LNX1: variants seen among roughly 807,000 people sequenced by gnomAD.
LNX1 encodes the protein ligand of numb-protein X 1.
A neutral mutation model predicts 68.4 loss-of-function variants in LNX1; 54 were observed. That is an observed-to-expected ratio of 0.79 (90% confidence interval 0.63 to 0.99). The LOEUF (loss-of-function observed/expected upper bound fraction) is 0.99. Ranked by LOEUF, LNX1 falls within the 50% of genes least tolerant of loss-of-function variation. The pLI, the probability that LNX1 is intolerant of heterozygous loss-of-function variation, is 0.00. For missense variants in LNX1, 906 were observed against 926.4 expected, an observed-to-expected ratio of 0.98 and a Z score of 0.29; for synonymous variants, 336 against 350.0, an observed-to-expected ratio of 0.96 and a Z score of 0.45.
chr4:53,521,238 T>C (rs767608543), intron 2 of LNX1, among the ~76,000 whole-genome samples: 2 of 152,188 alleles, frequency 1.3e-5, no homozygotes, highest in Non-Finnish European at 2.9e-5. Context: ...TTTTGAGTCC[T>C]CGTGTTTTTG....
chr4:53,459,461 G>A lies in LNX1; in HGVS notation c.*1446C>T. The stretch of plus-strand genomic sequence containing the variant: ...CACCTGCAGAATAGGCATGGTTTTG[G>A]CCTTTTGTGTATATTAGTACCAGAA... On this transcript the variant is annotated 3_prime_UTR_variant, in exon 11 of 11. Coordinates refer to ENST00000263925, the MANE Select transcript of LNX1 (RefSeq NM_001126328.3). The A allele has an allele frequency of 6.2e-7, 1 of 1,613,080 alleles. No homozygotes were observed. The highest frequency in any genetic ancestry group is 1.1e-5 in the South Asian group (1 of 91,056).
chr4:53,588,319 A>G (rs1732299672), intron 1 of LNX1, among the ~76,000 whole-genome samples: 1 of 152,192 alleles, frequency 6.6e-6, no homozygotes, highest in South Asian at 2.1e-4. Context: ...CAATATTTAC[A>G]AGTAACACTG....
intron 2 of LNX1, among the ~76,000 whole-genome samples, chr4:53,532,790 G>A (rs1231780611): frequency 6.6e-6 from 1 of 152,212 alleles, no homozygotes; most frequent in African/African-American, 2.4e-5. Context: ...GCAGCAGGGC[G>A]ATGGGTTTCT....
intron 2 of LNX1, among the ~76,000 whole-genome samples, chr4:53,518,925 AGGCT>A (rs1291410007): frequency 6.6e-6 from 1 of 152,266 alleles, no homozygotes; most frequent in Non-Finnish European, 1.5e-5. Flanking sequence ...CAAATGGCAC[AGGCT>A]GGCAAGTGAG....
intron 5 of LNX1, 55 bp downstream of exon 5, chr4:53,498,586 G>A: frequency 7.4e-7 from 1 of 1,351,848 alleles, no homozygotes; most frequent in Non-Finnish European, 1.1e-6. Context: ...TGTTTGCTCA[G>A]AAGCATTTTT....
intron 6 of LNX1, among the ~76,000 whole-genome samples, chr4:53,495,094 T>C (rs1203696923): frequency 2.0e-5 from 3 of 152,186 alleles, no homozygotes; most frequent in African/African-American, 4.8e-5. Flanking sequence ...TTAATGTCAA[T>C]AGCATGCTTG....
chr4:53,514,507 T>C (rs35884858), intron 2 of LNX1, among the ~76,000 whole-genome samples: 146,147 of 152,144 alleles, frequency 0.96, 70,480 homozygotes, highest in East Asian at 1. Context: ...TGGGGAACTC[T>C]CCTTTATAAA....
At chr4:53,594,098 AATTAATTAGTAATCTG>A (rs1165123806), upstream of LNX1, 6 of 151,708 alleles carry the variant, frequency 4.0e-5, no homozygotes, top group Non-Finnish European at 7.4e-5. Context: ...TCCATTTGGA[AATTAATTAGTAATCTG>A]GTCTATATGC....
At position 53,496,182 on chromosome 4, in the gene LNX1, C is replaced by T; in HGVS notation, c.1191G>A (p.Leu397=). 1 of 1,614,152 alleles carries T rather than the reference C, an allele frequency of 6.2e-7. No individual in the cohort carries two copies. The highest frequency in any genetic ancestry group is 2.2e-5 in the East Asian group (1 of 44,878). The part of the protein sequence containing the change: ...SSPEEQLGIK[L]VRKVDEPGVF... ...CCCCAGGCTCATCCACCTTGCGCAC[C>T]AGTTTTATTCCAAGCTGCTCCTCGG... Residue 397 remains leucine, a synonymous_variant, in exon 6 of 11, where the codon CTG becomes CTA. Transcript: ENST00000263925.
chr4:53,564,703 G>A (rs1020401421), intron 2 of LNX1, among the ~76,000 whole-genome samples: 1 of 152,004 alleles, frequency 6.6e-6, no homozygotes, highest in African/African-American at 2.4e-5. Context: ...CACAGAAGAC[G>A]GGTGATTTCT....
chr4:53,546,662 G>A (rs1729140499), intron 2 of LNX1, among the ~76,000 whole-genome samples: 2 of 151,990 alleles, frequency 1.3e-5, no homozygotes, highest in South Asian at 2.1e-4. Flanking sequence ...GCTCTCCTTC[G>A]GCTCTCAAAA....
At chr4:53,627,172 G>A (rs762753152) in intron 1 of LNX1, among the ~76,000 whole-genome samples, 1 of 152,208 alleles carries the variant, frequency 6.6e-6, no homozygotes, top group Non-Finnish European at 1.5e-5. Context: ...TGGTTTCAGG[G>A]AGAAGGAAAG....
rs114157402 is a variant in LNX1 at position 53,540,117 on chromosome 4, C to T, written c.381-31890G>A. Among the ~76,000 whole-genome samples the T allele has an allele frequency of 3.7e-3, 559 of 152,286 alleles. 2 individuals are homozygous for T. The highest frequency in any genetic ancestry group is 0.013 in the African/African-American group (535 of 41,548). ...AACTCCAAATGACAACATGGTGGCT[C>T]ACATCTGTAATCCCAGCACTTTGAG... is the stretch of plus-strand genomic sequence containing the variant. On this transcript the variant is annotated intron_variant, in intron 2 of 10. Transcript: ENST00000263925.
chr4:53,572,770 T>C (rs1577736553), intron 2 of LNX1, among the ~76,000 whole-genome samples: 1 of 152,290 alleles, frequency 6.6e-6, no homozygotes, highest in Non-Finnish European at 1.5e-5. Context: ...CACACCAGAA[T>C]TCTGCCACCA....
At chr4:53,606,625 A>T (rs547699772) in intron 2 of LNX1, among the ~76,000 whole-genome samples, 1 of 152,190 alleles carries the variant, frequency 6.6e-6, no homozygotes, top group African/African-American at 2.4e-5. Context: ...TATCATCCTG[A>T]TATCAAAACC....
chr4:53,536,168 A>G (rs1337646199), intron 2 of LNX1, among the ~76,000 whole-genome samples: 6 of 152,198 alleles, frequency 3.9e-5, no homozygotes, highest in African/African-American at 1.4e-4. Flanking sequence ...GGTAGACACT[A>G]AAACCATTTC....
intron 10 of LNX1, 23 bp from the exon 11 acceptor site, chr4:53,461,065 A>T: frequency 6.5e-7 from 1 of 1,539,726 alleles, no homozygotes; most frequent in Non-Finnish European, 8.7e-7. Flanking sequence ...ACAAAACAAG[A>T]TATGATTAGT....
chr4:53,517,540 G>A (rs1388060483), intron 2 of LNX1, among the ~76,000 whole-genome samples: 2 of 152,076 alleles, frequency 1.3e-5, no homozygotes, highest in East Asian at 1.9e-4. Flanking sequence ...AGGCATCCTG[G>A]TCCTCAGCAC....
At chr4:53,593,410 G>C (rs1732603012), upstream of LNX1, among the ~76,000 whole-genome samples, 1 of 152,206 alleles carries the variant, frequency 6.6e-6, no homozygotes, top group South Asian at 2.1e-4. Context: ...TTCGCATAAA[G>C]CTTCACCGAA....
Sources: allele counts gnomAD v4.1 joint callset (sites outside exome capture counted in the v4.1 genomes callset), GRCh38; gene constraint gnomAD v4.1.1; transcripts MANE v1.5; gene names NCBI Gene and HGNC (gene_info 2026-07-23, HGNC 2026-07-21).